Variants in PGM5 observed in about 807,000 individuals in gnomAD.
The protein encoded by PGM5 is phosphoglucomutase 5, also known as phosphoglucomutase-like protein 5.
PGM5 carries 23 observed loss-of-function variants against 59.2 expected under a neutral mutation model. The observed-to-expected ratio is 0.39, with a 90% CI of 0.28 to 0.55. The LOEUF (loss-of-function observed/expected upper bound fraction) is 0.55, where lower values mean the gene tolerates loss of function less well. Ranked by LOEUF, PGM5 falls within the 20% of genes least tolerant of loss-of-function variation. The pLI is 0.66. For missense variants in PGM5, 574 were observed against 748.3 expected (o/e 0.77, Z 2.72); for synonymous variants, 214 against 286.0 (o/e 0.75, Z 2.54).
At chr9:68,471,507 C>T (rs538778664) in intron 7 of PGM5, among the ~76,000 whole-genome samples, 1 of 151,618 alleles carries the variant, frequency 6.6e-6, no homozygotes, top group South Asian at 2.1e-4. Context: ...AGAAACAATT[C>T]TTAAACAGGT....
intron 6 of PGM5, chr9:68,406,042 T>A (rs1221735019): frequency 1.3e-5 from 2 of 152,156 alleles, no homozygotes; most frequent in Non-Finnish European, 2.9e-5. Context: ...AGACAGGGAA[T>A]GTAGTTTAAG....
At chr9:68,504,425 A>G (rs1032373235) in intron 10 of PGM5, among the ~76,000 whole-genome samples, 1 of 152,124 alleles carries the variant, frequency 6.6e-6, no homozygotes, top group Non-Finnish European at 1.5e-5. Flanking sequence ...ACATACTGGA[A>G]ATGGCCCCCT....
At chr9:68,483,302 G>T (rs1824228748) in intron 8 of PGM5, among the ~76,000 whole-genome samples, 1 of 152,188 alleles carries the variant, frequency 6.6e-6, no homozygotes. Context: ...AGACGAGTGG[G>T]GAAGCTGCCT....
chr9:68,473,486 G>T (rs1185851167), intron 7 of PGM5, among the ~76,000 whole-genome samples: 3 of 152,166 alleles, frequency 2.0e-5, no homozygotes, highest in Non-Finnish European at 4.4e-5. Context: ...CCACTTAGTA[G>T]CTGTGTGGCC....
intron 6 of PGM5, among the ~76,000 whole-genome samples, chr9:68,463,088 G>A (rs1000812011): frequency 1.3e-5 from 2 of 152,020 alleles, no homozygotes; most frequent in Non-Finnish European, 2.9e-5. Flanking sequence ...ACTGGAAGAG[G>A]CAGCCCACAG....
Position 68,360,435 on chromosome 9 carries a change from C to A in PGM5, c.261+3047C>A, listed in dbSNP as rs1834554087. ...CCATGGAGTGATGGAGAATAATGAG[C>A]CTTGGGAGAGCTATGGCAGCTCTCA... is the stretch of plus-strand genomic sequence containing the variant. On this transcript the variant is annotated intron_variant, in intron 1 of 10. Coordinates refer to ENST00000396396, the MANE Select transcript of PGM5 (RefSeq NM_021965.4). Among the ~76,000 whole-genome samples, 4 of 150,322 alleles carry A rather than the reference C, an allele frequency of 2.7e-5. No individual in the cohort carries two copies. In the South Asian group the frequency reaches 8.4e-4, roughly 32 times the overall value.
At chr9:68,441,784 A>G (rs1554683709) in intron 6 of PGM5, among the ~76,000 whole-genome samples, 1 of 152,180 alleles carries the variant, frequency 6.6e-6, no homozygotes, top group Non-Finnish European at 1.5e-5. Context: ...TAAAAGGCAT[A>G]TAGGGTGAAA....
intron 6 of PGM5, among the ~76,000 whole-genome samples, chr9:68,452,966 G>A (rs1554684505): frequency 6.6e-6 from 1 of 152,228 alleles, no homozygotes; most frequent in East Asian, 1.9e-4. Context: ...AAAGTGTTCA[G>A]TAGGAGTAAA....
intron 9 of PGM5, among the ~76,000 whole-genome samples, chr9:68,490,344 G>A (rs543153399): frequency 2.0e-5 from 3 of 152,056 alleles, no homozygotes; most frequent in Admixed American, 1.3e-4. Context: ...GTTTTTTGTT[G>A]TTGTTTTGTT....
At chr9:68,459,488 C>T (rs1823826283) in intron 6 of PGM5, among the ~76,000 whole-genome samples, 1 of 152,168 alleles carries the variant, frequency 6.6e-6, no homozygotes, top group Non-Finnish European at 1.5e-5. Flanking sequence ...TTATTTTACT[C>T]AATGTTATGA....
chr9:68,400,787 C>T (rs1282971924), intron 6 of PGM5: 1 of 152,472 alleles, frequency 6.6e-6, no homozygotes, highest in African/African-American at 2.4e-5. Context: ...TACTGACGCT[C>T]TTAGCAAATA....
rs1554678963 is a variant in PGM5 at position 68,387,546 on chromosome 9, G to A, written c.655G>A (p.Gly219Arg). 6.2e-7 allele frequency: 1 copy of A among 1,611,988 alleles called. No homozygotes were observed. The highest frequency in any genetic ancestry group is 8.5e-7 in the Non-Finnish European group (1 of 1,178,596). ...DFHAIKGLLT[G>R]PSQLKIRIDA... ...TCATGCCATCAAGGGTTTGCTGACT[G>A]GACCCAGCCAACTGAAGATTCGCAT... is the stretch of plus-strand genomic sequence containing the variant. The change falls in exon 4 of 11, where the codon GGA (glycine) becomes AGA (arginine). Residue 219 changes from glycine to arginine, a missense_variant. Transcript: ENST00000396396.
chr9:68,462,829 CT>C (rs1180141855), intron 6 of PGM5, among the ~76,000 whole-genome samples: 1 of 152,162 alleles, frequency 6.6e-6, no homozygotes, highest in Non-Finnish European at 1.5e-5. Context: ...GACTTATTCT[CT>C]CTTCCTTGAG....
At chr9:68,514,969 G>A (rs942103906) in intron 10 of PGM5, among the ~76,000 whole-genome samples, 2 of 152,212 alleles carry the variant, frequency 1.3e-5, no homozygotes, top group African/African-American at 4.8e-5. Context: ...ACTCAGCAGT[G>A]TTAGACAGTT....
rs1587790983 is a variant in PGM5, at chr9:68,396,353, A to C, written c.1043+3880A>C. ...GCCCAATAATTATAATTGGATCAAA[A>C]GGGTCCCTGATAAACCAGTTGAGAA... On this transcript the variant is annotated intron_variant, in intron 6 of 10. Coordinates refer to ENST00000396396, the MANE Select transcript of PGM5 (RefSeq NM_021965.4). 2.6e-5 allele frequency: 4 copies of C among 152,348 alleles called. 1 individual carries two copies. In the South Asian group the frequency reaches 8.3e-4, roughly 32 times the overall value. The allele number at this position is 152,348 out of a possible 1,614,324, so 9.4% of individuals were successfully genotyped here. A position where few individuals can be genotyped will look rare whatever the true frequency, so the allele number is the denominator to read the frequency against.
chr9:68,432,971 C>T (rs1308970214), intron 6 of PGM5, among the ~76,000 whole-genome samples: 1 of 152,106 alleles, frequency 6.6e-6, no homozygotes, highest in African/African-American at 2.4e-5. Context: ...ATCTTGTACA[C>T]AATAATTCCC....
chr9:68,368,518 A>G (rs1554676894), intron 1 of PGM5, among the ~76,000 whole-genome samples: 1 of 152,232 alleles, frequency 6.6e-6, no homozygotes, highest in African/African-American at 2.4e-5. Flanking sequence ...CATGGACTTC[A>G]GCAGCTTCTT....
intron 7 of PGM5, among the ~76,000 whole-genome samples, chr9:68,467,702 T>A (rs1290469807): frequency 6.6e-6 from 1 of 152,194 alleles, no homozygotes; most frequent in Non-Finnish European, 1.5e-5. Flanking sequence ...GCCCTTATTA[T>A]TTATTCATTG....
chr9:68,484,513 G>T (rs782714073), intron 9 of PGM5, among the ~76,000 whole-genome samples: 1 of 150,148 alleles, frequency 6.7e-6, no homozygotes, highest in African/African-American at 2.5e-5. Context: ...GCACTTCAGC[G>T]TGGGAGACAA....
Sources: gnomAD v4.1 joint callset for allele counts (sites outside exome capture counted in the v4.1 genomes callset) on GRCh38, gnomAD v4.1.1 for gene constraint, MANE v1.5 for transcripts, NCBI Gene and HGNC (gene_info 2026-07-23, HGNC 2026-07-21) for gene names.